Variants in TINAG observed in about 807,000 individuals in gnomAD.
TINAG encodes the protein tubulointerstitial nephritis antigen.
TINAG carries 83 observed loss-of-function variants against 72.7 expected under a neutral mutation model. The ratio of observed to expected loss-of-function variants is 1.14; its 90% CI spans 0.96 to 1.37. The LOEUF (loss-of-function observed/expected upper bound fraction) is 1.37. TINAG is among the 40% of genes most tolerant of loss of function. The probability of loss-of-function intolerance (pLI) is 0.00; values close to 1 mark genes in which losing one functional copy is unlikely to be tolerated. For synonymous variants in TINAG, 234 were observed against 189.9 expected (o/e 1.23, Z -1.91); for missense variants, 685 against 576.6 (o/e 1.19, Z -1.93).
rs545418713 is a variant in TINAG, at chr6:54,376,416, A to G, written c.1251-4110A>G. Among the ~76,000 whole-genome samples, 5 of 152,254 alleles carry G rather than the reference A, an allele frequency of 3.3e-5. No homozygotes were observed. In the South Asian group the frequency reaches 1.0e-3, roughly 32 times the overall value. The stretch of plus-strand genomic sequence containing the variant: ...ATTCTGTGCTTACCTTAAAAGGGAT[A>G]CTTATAGGAATATAAATTTTGCTTT... On this transcript the variant is annotated intron_variant, in intron 9 of 10. Transcript: ENST00000259782.
chr6:54,322,838 A>G (rs1784523715), intron 3 of TINAG, among the ~76,000 whole-genome samples: 1 of 152,262 alleles, frequency 6.6e-6, no homozygotes, highest in African/African-American at 2.4e-5. Context: ...GGCAAATCAT[A>G]TTTAAATTAT....
At chr6:54,375,487 A>G (rs1763753191) in intron 9 of TINAG, among the ~76,000 whole-genome samples, 1 of 152,154 alleles carries the variant, frequency 6.6e-6, no homozygotes, top group South Asian at 2.1e-4. Flanking sequence ...CATTTGATGT[A>G]CCTATTCATT....
intron 4 of TINAG, among the ~76,000 whole-genome samples, chr6:54,331,647 A>C (rs986576531): frequency 1.3e-5 from 2 of 152,096 alleles, no homozygotes; most frequent in African/African-American, 4.8e-5. Context: ...TGTATTCATA[A>C]AGGAAGAGAG....
chr6:54,332,920 C>A (rs532445761), intron 4 of TINAG, among the ~76,000 whole-genome samples: 1 of 152,282 alleles, frequency 6.6e-6, no homozygotes, highest in East Asian at 1.9e-4. Context: ...CAGTGAGATA[C>A]CATCTCATGC....
intron 9 of TINAG, among the ~76,000 whole-genome samples, chr6:54,355,228 C>A (rs971829536): frequency 1.3e-5 from 2 of 151,798 alleles, no homozygotes; most frequent in African/African-American, 2.4e-5. Context: ...ACTTTCCCAG[C>A]GCCTTCTCAA....
intron 8 of TINAG, among the ~76,000 whole-genome samples, chr6:54,353,384 G>A (rs1470587417): frequency 3.3e-5 from 5 of 151,926 alleles, no homozygotes; most frequent in East Asian, 1.9e-4. Context: ...CTGGCATACG[G>A]CATTTCCCCT....
At chr6:54,319,763 G>A (rs1026927415) in intron 1 of TINAG, among the ~76,000 whole-genome samples, 1 of 152,038 alleles carries the variant, frequency 6.6e-6, no homozygotes, top group Admixed American at 6.6e-5. Flanking sequence ...GAGGCCATTG[G>A]CATAAAATAC....
At chr6:54,376,521 A>G (rs770046290) in intron 9 of TINAG, among the ~76,000 whole-genome samples, 1 of 152,156 alleles carries the variant, frequency 6.6e-6, no homozygotes, top group Non-Finnish European at 1.5e-5. Flanking sequence ...CATTGACAAA[A>G]TCTACCAAAA....
At chr6:54,360,272 C>T (rs1763184544) in intron 9 of TINAG, among the ~76,000 whole-genome samples, 1 of 151,636 alleles carries the variant, frequency 6.6e-6, no homozygotes, top group Admixed American at 6.6e-5. Flanking sequence ...CTGTCATCCC[C>T]ATTTTGAATG....
At chr6:54,359,416 A>G (rs1046807869) in intron 9 of TINAG, among the ~76,000 whole-genome samples, 19 of 151,834 alleles carry the variant, frequency 1.3e-4, no homozygotes, top group Admixed American at 8.5e-4. Flanking sequence ...CTAAAATTCC[A>G]TTCACTGTTT....
At chr6:54,343,374 C>A in intron 5 of TINAG, 25 bp downstream of exon 5, 1 of 1,475,922 alleles carries the variant, frequency 6.8e-7, no homozygotes, top group Non-Finnish European at 9.0e-7. Flanking sequence ...TTAATTCCTT[C>A]CTTATAAACT....
At chr6:54,375,728 C>A (rs562472681) in intron 9 of TINAG, among the ~76,000 whole-genome samples, 1 of 152,062 alleles carries the variant, frequency 6.6e-6, no homozygotes, top group African/African-American at 2.4e-5. Flanking sequence ...GTTAAAAGAA[C>A]AAACAACGTT....
intron 10 of TINAG, among the ~76,000 whole-genome samples, chr6:54,386,110 C>G (rs1290154292): frequency 6.6e-6 from 1 of 151,964 alleles, no homozygotes; most frequent in Non-Finnish European, 1.5e-5. Flanking sequence ...AGGCTGGTCT[C>G]AAACTCCTGA....
chr6:54,383,677 A>G (rs760957689), intron 10 of TINAG, among the ~76,000 whole-genome samples: 1 of 152,154 alleles, frequency 6.6e-6, no homozygotes, highest in Non-Finnish European at 1.5e-5. Flanking sequence ...GAAGCAATAG[A>G]TGATACTTTA....
At chr6:54,341,820 T>C (rs1337700619) in intron 4 of TINAG, among the ~76,000 whole-genome samples, 1 of 152,152 alleles carries the variant, frequency 6.6e-6, no homozygotes, top group African/African-American at 2.4e-5. Context: ...AGGGAAACTA[T>C]AGAAATGAAG....
At chr6:54,327,218 G>A in intron 4 of TINAG, 3 of 1,510,652 alleles carry the variant, frequency 2.0e-6, no homozygotes, top group Non-Finnish European at 2.7e-6. Flanking sequence ...CAACGTAGAA[G>A]GTGGATGATT....
intron 9 of TINAG, among the ~76,000 whole-genome samples, chr6:54,360,336 C>T (rs552258267): frequency 4.0e-4 from 60 of 151,594 alleles, no homozygotes; most frequent in Non-Finnish European, 5.6e-4. Flanking sequence ...TTTTGAAATA[C>T]GGCCTTATTT....
intron 10 of TINAG, among the ~76,000 whole-genome samples, chr6:54,385,354 G>A (rs922255817): frequency 2.0e-5 from 3 of 151,492 alleles, no homozygotes; most frequent in Non-Finnish European, 2.9e-5. Flanking sequence ...GTAATAAGAG[G>A]ATATTATTAA....
At chr6:54,308,932 T>C in intron 1 of TINAG, 27 bp downstream of exon 1, 5 of 1,521,030 alleles carry the variant, frequency 3.3e-6, no homozygotes, top group Non-Finnish European at 4.4e-6. Flanking sequence ...TGTTTCAACA[T>C]CATCCTCGTT....
Sources: gnomAD v4.1 joint callset for allele counts (sites outside exome capture counted in the v4.1 genomes callset) on GRCh38, gnomAD v4.1.1 for gene constraint, MANE v1.5 for transcripts, NCBI Gene and HGNC (gene_info 2026-07-23, HGNC 2026-07-21) for gene names.